Variants in ACTR3C observed in about 807,000 individuals in gnomAD.
ACTR3C encodes the protein actin-related protein 3C.
Under a neutral mutation model 26.3 loss-of-function variants are expected in ACTR3C, and 18 were observed. The observed-to-expected ratio is 0.68, with a 90% CI of 0.47 to 1.01. The LOEUF (loss-of-function observed/expected upper bound fraction) is 1.01, where lower values mean the gene tolerates loss of function less well. Ranked by LOEUF, ACTR3C falls within the 50% of genes least tolerant of loss-of-function variation. The pLI is 0.00. For missense variants in ACTR3C, 184 were observed against 250.7 expected, an observed-to-expected ratio of 0.73 and a Z score of 1.80; for synonymous variants, 55 against 94.5, an observed-to-expected ratio of 0.58 and a Z score of 2.42.
the ACTR3C span, among the ~76,000 whole-genome samples, chr7:150,175,815 C>CAAAAAAAA: frequency 1.1e-3 from 50 of 45,220 alleles, no homozygotes; most frequent in Middle Eastern, 0.015. Context: ...TCCATCTGAA[C>CAAAAAAAA]AAAAAAAAAA....
At chr7:150,032,962 T>C in the ACTR3C span, among the ~76,000 whole-genome samples, 1 of 152,150 alleles carries the variant, frequency 6.6e-6, no homozygotes, top group Non-Finnish European at 1.5e-5. Flanking sequence ...CTTGCTGATG[T>C]GCAAAAGGTC....
At chr7:150,029,403 C>CAAAAAAA in the ACTR3C span, among the ~76,000 whole-genome samples, 3 of 41,412 alleles carry the variant, frequency 7.2e-5, no homozygotes, top group African/African-American at 2.9e-4. Context: ...TTATCAAAAA[C>CAAAAAAA]AAAAAAAAAA....
the ACTR3C span, among the ~76,000 whole-genome samples, chr7:149,892,808 A>G: frequency 4.8e-5 from 7 of 144,482 alleles, no homozygotes; most frequent in Admixed American, 4.3e-4. Context: ...AATAATGTCT[A>G]TAATAAGACT....
chr7:149,912,693 G>C, the ACTR3C span, among the ~76,000 whole-genome samples: 1 of 152,048 alleles, frequency 6.6e-6, no homozygotes, highest in African/African-American at 2.4e-5. Context: ...AGTAGAGATG[G>C]GGTTTCACCA....
chr7:150,139,189 C>T, the ACTR3C span, among the ~76,000 whole-genome samples: 1 of 152,246 alleles, frequency 6.6e-6, no homozygotes, highest in Admixed American at 6.5e-5. Flanking sequence ...GTCCCTGGTG[C>T]CAAAAAGTCT....
At chr7:150,306,202 A>T (rs942923974) in intron 1 of ACTR3C, among the ~76,000 whole-genome samples, 1 of 152,048 alleles carries the variant, frequency 6.6e-6, no homozygotes, top group African/African-American at 2.4e-5. Context: ...CTCCAATTCC[A>T]TCCTGGCAAG....
the ACTR3C span, among the ~76,000 whole-genome samples, chr7:150,180,684 T>C: frequency 6.7e-6 from 1 of 149,288 alleles, no homozygotes; most frequent in Non-Finnish European, 1.5e-5. Flanking sequence ...GGCTAATTTT[T>C]GTATTTTTAG....
the ACTR3C span, among the ~76,000 whole-genome samples, chr7:149,882,289 C>T: frequency 6.6e-6 from 1 of 152,308 alleles, no homozygotes; most frequent in South Asian, 2.1e-4. Context: ...GGGTTCTTGC[C>T]TTCTGTGATA....
At chr7:150,118,641 A>T in the ACTR3C span, among the ~76,000 whole-genome samples, 1 of 145,210 alleles carries the variant, frequency 6.9e-6, no homozygotes, top group Non-Finnish European at 1.5e-5. Context: ...GAAGAATGGA[A>T]CCAAGTTGGA....
the ACTR3C span, among the ~76,000 whole-genome samples, chr7:150,091,856 CG>C: frequency 3.7e-4 from 55 of 150,262 alleles, no homozygotes; most frequent in Non-Finnish European, 6.8e-4. Context: ...GGCGTGGTGG[CG>C]GGCGCCTGTA....
chr7:150,322,949 G>A (rs1316905708), intron 1 of ACTR3C: 1 of 152,420 alleles, frequency 6.6e-6, no homozygotes, highest in African/African-American at 2.4e-5. Context: ...ACGAGGTCCG[G>A]GTCGCACTCG....
the ACTR3C span, among the ~76,000 whole-genome samples, chr7:150,140,182 C>T: frequency 2.7e-3 from 405 of 152,166 alleles, 1 homozygote; most frequent in African/African-American, 9.2e-3. Context: ...GTATCACTCA[C>T]TCTTTCCAGC....
At chr7:149,945,983 C>T in the ACTR3C span, among the ~76,000 whole-genome samples, 20 of 152,266 alleles carry the variant, frequency 1.3e-4, no homozygotes, top group African/African-American at 4.8e-4. Context: ...CTCTCCTGGC[C>T]TTTAAGAGGA....
chr7:150,092,734 C>G, the ACTR3C span, among the ~76,000 whole-genome samples: 3 of 150,542 alleles, frequency 2.0e-5, no homozygotes, highest in African/African-American at 7.5e-5. Context: ...TGTTATGCCT[C>G]AGTTCAGGCC....
the ACTR3C span, among the ~76,000 whole-genome samples, chr7:150,135,907 A>C: frequency 1.8e-4 from 28 of 152,356 alleles, 1 homozygote; most frequent in East Asian, 5.4e-3. Context: ...GAAAGAAGCC[A>C]TGGAGAAGAA....
In ACTR3C at chr7:150,286,470, C is replaced by T; in HGVS notation, c.368G>A (p.Trp123Ter). 1 of 1,612,332 alleles carries T rather than the reference C, an allele frequency of 6.2e-7. No homozygotes were observed. The highest frequency in any genetic ancestry group is 8.5e-7 in the Non-Finnish European group (1 of 1,179,892). The change falls in exon 5 of 8, where the codon TGG becomes TAG. Residue 123 changes from tryptophan (W) to a stop codon, truncating the protein, a stop_gained. Transcript: ENST00000683684. LOFTEE classifies it high-confidence loss of function. ...FAKYDVDPQKWIKQYTGINAI... is the reference protein window; with the variant it reads ...FAKYDVDPQK ...ATTGATACCCGTGTACTGTTTGATC[C>T]ACTTCTGGGGATCCACATCATACTT...
At chr7:150,309,898 AG>A (rs1217210375) in intron 1 of ACTR3C, among the ~76,000 whole-genome samples, 3 of 152,082 alleles carry the variant, frequency 2.0e-5, no homozygotes, top group African/African-American at 4.8e-5. Flanking sequence ...TTTACAGTGG[AG>A]GGTAAGTCCG....
At chr7:150,036,801 C>T in the ACTR3C span, among the ~76,000 whole-genome samples, 1,633 of 136,876 alleles carry the variant, frequency 0.012, 116 homozygotes, top group African/African-American at 0.039. Flanking sequence ...GGACACCTAA[C>T]ACCCACAGTC....
At chr7:150,217,622 A>G in the ACTR3C span, among the ~76,000 whole-genome samples, 10 of 151,950 alleles carry the variant, frequency 6.6e-5, no homozygotes, top group Admixed American at 1.3e-4. Flanking sequence ...CCAGGAGCCA[A>G]TTCCAGAGGA....
Sources: gnomAD v4.1 joint callset for allele counts (sites outside exome capture counted in the v4.1 genomes callset) on GRCh38, gnomAD v4.1.1 for gene constraint, MANE v1.5 for transcripts, NCBI Gene and HGNC (gene_info 2026-07-23, HGNC 2026-07-21) for gene names.